Variants in DNA2 observed in about 807,000 individuals in gnomAD.
DNA2 encodes the protein DNA replication ATP-dependent helicase/nuclease DNA2.
Under a neutral mutation model 119.1 loss-of-function variants are expected in DNA2, and 101 were observed. The ratio of observed to expected loss-of-function variants is 0.85; its 90% CI spans 0.72 to 1.00. DNA2 has a LOEUF of 1.00. Ranked by LOEUF, DNA2 falls within the 50% of genes least tolerant of loss-of-function variation. The probability of loss-of-function intolerance (pLI) is 0.00; values close to 1 mark genes in which losing one functional copy is unlikely to be tolerated. For synonymous variants in DNA2, 366 were observed against 424.4 expected, an observed-to-expected ratio of 0.86 and a Z score of 1.69; for missense variants, 1,121 against 1,255.5, an observed-to-expected ratio of 0.89 and a Z score of 1.62.
intron 5 of DNA2, 129 bp from the exon 6 acceptor site, chr10:68,450,376 T>A: frequency 1.4e-6 from 1 of 727,042 alleles, no homozygotes; most frequent in Non-Finnish European, 2.2e-6. Context: ...TTTACAGCAG[T>A]GATTTTCAAA....
intron 5 of DNA2, among the ~76,000 whole-genome samples, chr10:68,456,773 C>T (rs2052187512): frequency 1.3e-5 from 2 of 150,496 alleles, no homozygotes; most frequent in South Asian, 4.2e-4. Flanking sequence ...ATTGAGAGAA[C>T]ATTGAGAATA....
rs188991481 is a variant in DNA2, at chr10:68,444,166, C to T, written c.1220+755G>A. Among the ~76,000 whole-genome samples the T allele has an allele frequency of 8.6e-5, 13 of 151,694 alleles. No individual in the cohort carries two copies. In the East Asian group the frequency reaches 2.1e-3, roughly 25 times the overall value. On this transcript the variant is annotated intron_variant, in intron 8 of 20. Coordinates refer to ENST00000358410, the MANE Select transcript of DNA2 (RefSeq NM_001080449.3). ...CAGCACTTTGGGAGGCCGAGGTGGG[C>T]GGATCACGAGGTCAAGAGATCGAGA... is the stretch of plus-strand genomic sequence containing the variant.
Position 68,460,434 on chromosome 10 carries a change from T to TGA in DNA2, c.588-1201_588-1200dup, listed in dbSNP as rs528034464. Among the ~76,000 whole-genome samples the TGA allele has an allele frequency of 4.1e-3, 611 of 149,086 alleles. 8 individuals carry two copies. Among genetic ancestry groups the TGA allele is most frequent in the African/African-American group, 0.014 (570 of 41,114 alleles). On this transcript the variant is annotated intron_variant, in intron 4 of 20. Transcript: ENST00000358410. ...TAATACGGTAATTTTTTTTTTTTTT[T>TGA]GAGAGAGAGTTTCACTCTTGTTGCC...
intron 19 of DNA2, 116 bp downstream of exon 19, chr10:68,418,918 C>T: frequency 2.4e-6 from 2 of 832,226 alleles, no homozygotes; most frequent in South Asian, 2.0e-5. Context: ...GGTGATCCAC[C>T]CGCCTTGGCC....
At chr10:68,441,980 T>G (rs2051975000) in intron 9 of DNA2, among the ~76,000 whole-genome samples, 1 of 151,832 alleles carries the variant, frequency 6.6e-6, no homozygotes, top group Admixed American at 6.6e-5. Context: ...CAGGCTGGAG[T>G]GCAGTGGTGT....
At chr10:68,449,897 C>G (rs1364209963) in intron 6 of DNA2, 131 bp downstream of exon 6, 2 of 641,896 alleles carry the variant, frequency 3.1e-6, no homozygotes, top group Admixed American at 2.9e-5. Flanking sequence ...TGGCATGAAC[C>G]CAGGAGGCGG....
At chr10:68,424,246 GTAATCCCAA>G (rs1212081124) in intron 14 of DNA2, among the ~76,000 whole-genome samples, 2 of 152,214 alleles carry the variant, frequency 1.3e-5, no homozygotes, top group African/African-American at 2.4e-5. Flanking sequence ...GCTCACGCCT[GTAATCCCAA>G]CACTTTGGGA....
intron 14 of DNA2, among the ~76,000 whole-genome samples, chr10:68,425,547 A>T (rs1195854392): frequency 2.6e-5 from 4 of 151,138 alleles, no homozygotes; most frequent in African/African-American, 9.7e-5. Flanking sequence ...GACTACAGGT[A>T]CCTGCCACCA....
chr10:68,452,728 C>A (rs144021193), intron 5 of DNA2, among the ~76,000 whole-genome samples: 1 of 146,870 alleles, frequency 6.8e-6, no homozygotes. Flanking sequence ...TCTGCCATTA[C>A]GCCCAGCTAT....
Position 68,469,961 on chromosome 10 carries a change from C to A in DNA2, c.257+20G>T. Reference sequence around the variant, plus strand: ...TACCCTTAAGATTCAAATCGGTGCTCAAAGTCACATAAAAATTACCAGTCA... The same window carrying A: ...TACCCTTAAGATTCAAATCGGTGCTAAAAGTCACATAAAAATTACCAGTCA... On this transcript the variant is annotated intron_variant, in intron 2 of 20. Transcript: ENST00000358410. 1 of 1,587,654 alleles carries A rather than the reference C, an allele frequency of 6.3e-7. No homozygotes were observed. Among genetic ancestry groups the A allele is most frequent in the South Asian group, 1.2e-5 (1 of 85,678 alleles).
chr10:68,444,820 C>A, intron 8 of DNA2, 101 bp downstream of exon 8: 122 of 598,754 alleles, frequency 2.0e-4, no homozygotes, highest in Middle Eastern at 4.7e-4. Flanking sequence ...GGAAAAATAA[C>A]TAAAATGATG....
At chr10:68,451,172 T>C (rs1480908105) in intron 5 of DNA2, among the ~76,000 whole-genome samples, 1 of 151,868 alleles carries the variant, frequency 6.6e-6, no homozygotes, top group Non-Finnish European at 1.5e-5. Flanking sequence ...CAACACTTCA[T>C]TCACACATCC....
intron 18 of DNA2, chr10:68,419,473 A>G: frequency 1.0e-5 from 5 of 484,842 alleles, no homozygotes; most frequent in Non-Finnish European, 1.5e-5. Context: ...AACAGTGCAC[A>G]CACACACACA....
In DNA2 at chr10:68,414,382, A is replaced by G. The variant is rs1450742783; in HGVS notation, c.*657T>C. 1 of 152,184 alleles carries G rather than the reference A, an allele frequency of 6.6e-6. No individual in the cohort carries two copies. Among genetic ancestry groups the G allele is most frequent in the Non-Finnish European group, 1.5e-5 (1 of 68,034 alleles). 9.4% of individuals were successfully genotyped at this position (152,184 alleles called of 1,614,324 possible). ...ATGAACATATGTGAAAATAGGAATC[A>G]ACTTTTTAAATTTATTATCAATTCA... On this transcript the variant is annotated 3_prime_UTR_variant, in exon 21 of 21. Coordinates refer to ENST00000358410, the MANE Select transcript of DNA2 (RefSeq NM_001080449.3).
intron 6 of DNA2, 128 bp from the exon 7 acceptor site, chr10:68,446,541 T>C: frequency 1.6e-6 from 1 of 635,716 alleles, no homozygotes. Context: ...ATAAGTAACA[T>C]GAGCCAAATT....
intron 1 of DNA2, 30 bp from the exon 2 acceptor site, chr10:68,470,193 G>T: frequency 6.5e-7 from 1 of 1,543,122 alleles, no homozygotes; most frequent in South Asian, 1.3e-5. Flanking sequence ...AACTATTTTA[G>T]CACAACCATG....
intron 7 of DNA2, 133 bp downstream of exon 7, chr10:68,446,163 C>A (rs1489871666): frequency 1.7e-5 from 10 of 580,666 alleles, no homozygotes; most frequent in African/African-American, 3.8e-5. Context: ...AAAACAACAA[C>A]AAAAAAAACC....
At chr10:68,469,028 C>T (rs746104977) in intron 2 of DNA2, among the ~76,000 whole-genome samples, 1 of 151,994 alleles carries the variant, frequency 6.6e-6, no homozygotes, top group African/African-American at 2.4e-5. Context: ...CTAGCCTGGG[C>T]GACAGAGCAA....
intron 5 of DNA2, among the ~76,000 whole-genome samples, chr10:68,455,832 AAAAC>A (rs202026718): frequency 0.14 from 20,802 of 151,898 alleles, 1,808 homozygotes; most frequent in East Asian, 0.18. Flanking sequence ...AAAACAAAAC[AAAAC>A]AAACAAACAA....
Sources: allele counts gnomAD v4.1 joint callset (sites outside exome capture counted in the v4.1 genomes callset), GRCh38; gene constraint gnomAD v4.1.1; transcripts MANE v1.5; gene names NCBI Gene and HGNC (gene_info 2026-07-23, HGNC 2026-07-21).